The following MACROD2 variants were observed in gnomAD, a reference collection of about 807,000 sequenced individuals.
The protein encoded by MACROD2 is ADP-ribose glycohydrolase MACROD2.
A neutral mutation model predicts 70.4 loss-of-function variants in MACROD2; 36 were observed. That is an observed-to-expected ratio of 0.51 (90% CI 0.39 to 0.68). The LOEUF is 0.68. Ranked by LOEUF, MACROD2 falls within the 30% of genes least tolerant of loss-of-function variation. The pLI is 0.00. For missense variants in MACROD2, 496 were observed against 538.4 expected (o/e 0.92, Z 0.78); for synonymous variants, 172 against 178.8 (o/e 0.96, Z 0.30).
intron 8 of MACROD2, among the ~76,000 whole-genome samples, chr20:15,814,463 T>G (rs2063852430): frequency 6.6e-6 from 1 of 152,156 alleles, no homozygotes; most frequent in Non-Finnish European, 1.5e-5. Flanking sequence ...AGCAGTAAGC[T>G]CCAGTGACCC....
intron 8 of MACROD2, among the ~76,000 whole-genome samples, chr20:15,833,989 G>A (rs1333997165): frequency 6.6e-6 from 1 of 152,062 alleles, no homozygotes; most frequent in Non-Finnish European, 1.5e-5. Flanking sequence ...GGTAACTCCT[G>A]CAAAGTCTGA....
At chr20:15,451,216 T>C (rs1403314148) in intron 7 of MACROD2, among the ~76,000 whole-genome samples, 1 of 151,826 alleles carries the variant, frequency 6.6e-6, no homozygotes, top group Non-Finnish European at 1.5e-5. Context: ...GAGTCAGAGG[T>C]ATGCTTCTCT....
At chr20:14,091,562 G>A (rs2054150084) in intron 3 of MACROD2, among the ~76,000 whole-genome samples, 2 of 151,830 alleles carry the variant, frequency 1.3e-5, no homozygotes, top group South Asian at 4.2e-4. Flanking sequence ...TCCACACTGT[G>A]TATATATATA....
intron 5 of MACROD2, among the ~76,000 whole-genome samples, chr20:15,072,857 C>G (rs772582517): frequency 6.6e-6 from 1 of 152,098 alleles, no homozygotes; most frequent in Non-Finnish European, 1.5e-5. Flanking sequence ...GTGTTGAAAA[C>G]TTGATCCCCA....
At chr20:14,333,468 G>C (rs1408747164) in intron 3 of MACROD2, among the ~76,000 whole-genome samples, 1 of 152,154 alleles carries the variant, frequency 6.6e-6, no homozygotes, top group African/African-American at 2.4e-5. Flanking sequence ...AACAAGAGTT[G>C]TAAGAACGAG....
intron 4 of MACROD2, among the ~76,000 whole-genome samples, chr20:14,672,234 C>T (rs1412882284): frequency 1.3e-5 from 2 of 152,232 alleles, no homozygotes; most frequent in Admixed American, 6.5e-5. Context: ...AAGCTGAATG[C>T]TGGCTAGTCT....
At chr20:15,160,495 C>A (rs1407284573) in intron 5 of MACROD2, among the ~76,000 whole-genome samples, 2 of 152,086 alleles carry the variant, frequency 1.3e-5, no homozygotes, top group African/African-American at 4.8e-5. Context: ...TCCTTTGACC[C>A]TACTTTTTAT....
At chr20:15,899,696 G>C (rs1349886953) in intron 10 of MACROD2, among the ~76,000 whole-genome samples, 1 of 152,086 alleles carries the variant, frequency 6.6e-6, no homozygotes, top group Non-Finnish European at 1.5e-5. Flanking sequence ...TTTGACTCTT[G>C]CTCCACAATT....
At chr20:14,071,151 A>G (rs1259037716) in intron 2 of MACROD2, among the ~76,000 whole-genome samples, 1 of 151,688 alleles carries the variant, frequency 6.6e-6, no homozygotes, top group Non-Finnish European at 1.5e-5. Flanking sequence ...TGTAAAATAT[A>G]CTTATGATTT....
chr20:16,040,555 A>G (rs1176555640), intron 15 of MACROD2, among the ~76,000 whole-genome samples: 1 of 151,996 alleles, frequency 6.6e-6, no homozygotes, highest in Non-Finnish European at 1.5e-5. Flanking sequence ...TGTTTTTACA[A>G]TATGAAACAC....
In MACROD2 at chr20:14,761,887, A is replaced by T. The variant is rs2072020358; in HGVS notation, c.418+76928A>T. On this transcript the variant is annotated intron_variant, in intron 5 of 17. Coordinates refer to ENST00000684519, the MANE Select transcript of MACROD2 (RefSeq NM_001351661.2). ...TTGGAAAGAAATGTTGTCAACAATG[A>T]AAACAAGTCAGTAAATACTTAGGCA... is the stretch of plus-strand genomic sequence containing the variant. Among the ~76,000 whole-genome samples, 3 of 152,296 alleles carry T rather than the reference A, an allele frequency of 2.0e-5. 1 individual carries two copies. The South Asian group carries it at 6.2e-4, about 32-fold the overall frequency.
At chr20:14,841,378 G>T (rs2073085290) in intron 5 of MACROD2, among the ~76,000 whole-genome samples, 1 of 152,148 alleles carries the variant, frequency 6.6e-6, no homozygotes, top group African/African-American at 2.4e-5. Flanking sequence ...TTCCACTGAG[G>T]TGAGGGGCAA....
At chr20:15,743,371 G>T (rs910526890) in intron 8 of MACROD2, among the ~76,000 whole-genome samples, 2 of 152,110 alleles carry the variant, frequency 1.3e-5, no homozygotes, top group Admixed American at 1.3e-4. Flanking sequence ...ACTTTTTCAG[G>T]AAGTGATACA....
At position 14,283,649 on chromosome 20, in the gene MACROD2, G is replaced by A. The variant is rs545031153; in HGVS notation, c.271+197921G>A. On this transcript the variant is annotated intron_variant, in intron 3 of 17. Coordinates refer to ENST00000684519, the MANE Select transcript of MACROD2 (RefSeq NM_001351661.2). Reference sequence around the variant, plus strand: ...TTTGTTTTTTAATGTGGAGACAAAAGGGAGAGCACACAATTTTTTTTTTTA... The same window carrying A: ...TTTGTTTTTTAATGTGGAGACAAAAAGGAGAGCACACAATTTTTTTTTTTA... 2.0e-5 allele frequency among the ~76,000 whole-genome samples: 3 copies of A among 152,172 alleles called. No homozygotes were observed. In the South Asian group the frequency reaches 6.2e-4, roughly 32 times the overall value.
intron 5 of MACROD2, among the ~76,000 whole-genome samples, chr20:14,840,437 A>G (rs1339095215): frequency 6.6e-6 from 1 of 150,964 alleles, no homozygotes; most frequent in Non-Finnish European, 1.5e-5. Flanking sequence ...AGGTCTTGCC[A>G]TGTTGCCCAG....
At chr20:15,907,991 T>C (rs910664524) in intron 10 of MACROD2, among the ~76,000 whole-genome samples, 1 of 152,222 alleles carries the variant, frequency 6.6e-6, no homozygotes, top group African/African-American at 2.4e-5. Context: ...GGAGGCTTTT[T>C]TAGACATTCT....
At chr20:15,737,145 G>T (rs2051033625) in intron 8 of MACROD2, among the ~76,000 whole-genome samples, 1 of 152,194 alleles carries the variant, frequency 6.6e-6, no homozygotes, top group African/African-American at 2.4e-5. Context: ...ACTATTCAAG[G>T]CTTGTTAACT....
At chr20:16,041,580 A>G (rs2067308402) in intron 16 of MACROD2, among the ~76,000 whole-genome samples, 1 of 151,968 alleles carries the variant, frequency 6.6e-6, no homozygotes, top group Admixed American at 6.6e-5. Context: ...AGTGAACTTT[A>G]TGGAAGCATT....
At chr20:15,196,982 T>C in intron 5 of MACROD2, 1 of 985,260 alleles carries the variant, frequency 1.0e-6, no homozygotes, top group Non-Finnish European at 1.2e-6. Context: ...AAAGAGCACA[T>C]TTTTTGGAAA....
Sources: gnomAD v4.1 joint callset for allele counts (sites outside exome capture counted in the v4.1 genomes callset) on GRCh38, gnomAD v4.1.1 for gene constraint, MANE v1.5 for transcripts, NCBI Gene and HGNC (gene_info 2026-07-23, HGNC 2026-07-21) for gene names.